Variants in KLHL20 observed in about 807,000 individuals in gnomAD.
The protein encoded by KLHL20 is kelch like family member 20, also known as kelch-like protein 20.
Under a neutral mutation model 69.5 loss-of-function variants are expected in KLHL20, and 29 were observed. That is an observed-to-expected ratio of 0.42 (90% confidence interval 0.31 to 0.57). The LOEUF (loss-of-function observed/expected upper bound fraction) is 0.57, where lower values mean the gene tolerates loss of function less well. Ranked by LOEUF, KLHL20 falls within the 20% of genes least tolerant of loss-of-function variation. The pLI is 0.18. For missense variants in KLHL20, 419 were observed against 776.0 expected, an observed-to-expected ratio of 0.54 and a Z score of 5.47; for synonymous variants, 253 against 265.2, an observed-to-expected ratio of 0.95 and a Z score of 0.45.
At chr1:173,743,520 G>A (rs1264193597) in intron 3 of KLHL20, among the ~76,000 whole-genome samples, 2 of 148,434 alleles carry the variant, frequency 1.3e-5, no homozygotes, top group Admixed American at 6.7e-5. Context: ...TACTATGATG[G>A]TTGCAAAGTG....
At chr1:173,735,293 A>C (rs1672474468) in intron 3 of KLHL20, among the ~76,000 whole-genome samples, 3 of 152,080 alleles carry the variant, frequency 2.0e-5, no homozygotes, top group African/African-American at 7.2e-5. Context: ...AAAAAATACA[A>C]AAATTAGTCG....
chr1:173,755,509 CCCAG>C (rs1452874712), intron 5 of KLHL20, among the ~76,000 whole-genome samples: 1 of 152,112 alleles, frequency 6.6e-6, no homozygotes, highest in Non-Finnish European at 1.5e-5. Context: ...CGATTTTTGA[CCCAG>C]TTTTATTACT....
chr1:173,716,355 T>G (rs1320883956), intron 2 of KLHL20, among the ~76,000 whole-genome samples: 1 of 152,180 alleles, frequency 6.6e-6, no homozygotes, highest in Non-Finnish European at 1.5e-5. Flanking sequence ...TGATACTATA[T>G]GGATTTATTA....
At chr1:173,768,933 T>C (rs1429023107) in intron 8 of KLHL20, among the ~76,000 whole-genome samples, 1 of 152,142 alleles carries the variant, frequency 6.6e-6, no homozygotes, top group Non-Finnish European at 1.5e-5. Flanking sequence ...GTCTGACAGA[T>C]CTAAGAACAA....
At chr1:173,727,245 G>T (rs1672019691) in intron 2 of KLHL20, among the ~76,000 whole-genome samples, 2 of 151,962 alleles carry the variant, frequency 1.3e-5, no homozygotes, top group Non-Finnish European at 2.9e-5. Flanking sequence ...AAATATCGGA[G>T]TATGTGAAAA....
intron 2 of KLHL20, among the ~76,000 whole-genome samples, chr1:173,724,579 A>G (rs971050911): frequency 1.3e-5 from 2 of 152,230 alleles, no homozygotes; most frequent in African/African-American, 2.4e-5. Context: ...ATTATTTGTC[A>G]GTAATTTGTG....
In KLHL20 at chr1:173,766,305, A is replaced by C; in HGVS notation, c.1295+16A>C. 1 of 1,566,984 alleles carries C rather than the reference A, an allele frequency of 6.4e-7. No individual in the cohort carries two copies. The highest frequency in any genetic ancestry group is 8.6e-7 in the Non-Finnish European group (1 of 1,163,036). ...TTGTTGAGAGGTGATCTTTTTTTTA[A>C]GTCATTTTCCGTATTTTTATTTTAA... On this transcript the variant is annotated intron_variant, in intron 8 of 11. Coordinates refer to ENST00000209884, the MANE Select transcript of KLHL20 (RefSeq NM_014458.4).
chr1:173,773,877 G>C (rs1353691952), intron 8 of KLHL20, among the ~76,000 whole-genome samples: 1 of 152,074 alleles, frequency 6.6e-6, no homozygotes, highest in Non-Finnish European at 1.5e-5. Context: ...GCCAGGCGTG[G>C]TGGCAGGCAC....
intron 4 of KLHL20, 42 bp downstream of exon 4, chr1:173,751,964 A>G (rs1025940359): frequency 1.3e-6 from 2 of 1,578,786 alleles, no homozygotes; most frequent in African/African-American, 2.7e-5. Context: ...CTGACCGGGC[A>G]TGGTGGCTCA....
At chr1:173,745,123 G>A (rs1672992254) in intron 3 of KLHL20, among the ~76,000 whole-genome samples, 3 of 150,764 alleles carry the variant, frequency 2.0e-5, no homozygotes, top group East Asian at 2.0e-4. Flanking sequence ...TATCTCTTGG[G>A]AACGTTTTAT....
intron 3 of KLHL20, among the ~76,000 whole-genome samples, chr1:173,739,028 C>G (rs371468377): frequency 6.6e-6 from 1 of 151,500 alleles, no homozygotes; most frequent in East Asian, 1.9e-4. Flanking sequence ...AGGGAGGATT[C>G]CCTCTTTCTC....
At chr1:173,770,006 CCACT>C (rs1452989198) in intron 8 of KLHL20, among the ~76,000 whole-genome samples, 1 of 151,876 alleles carries the variant, frequency 6.6e-6, no homozygotes, top group East Asian at 1.9e-4. Flanking sequence ...CTGTCACAAA[CCACT>C]CACTCCTATT....
chr1:173,774,270 A>C (rs752386540), intron 8 of KLHL20, 35 bp from the exon 9 acceptor site: 43 of 1,613,162 alleles, frequency 2.7e-5, no homozygotes, highest in Non-Finnish European at 3.3e-5. Context: ...TCACTTAATA[A>C]GAACAAGCAT....
chr1:173,773,582 A>T (rs1648249054), intron 8 of KLHL20, among the ~76,000 whole-genome samples: 2 of 152,088 alleles, frequency 1.3e-5, no homozygotes, highest in Admixed American at 1.3e-4. Context: ...TTCTAATAGG[A>T]TGTAGTAGAG....
Position 173,785,680 on chromosome 1 carries a change from G to C in KLHL20, c.*433G>C, listed in dbSNP as rs1649161496. On this transcript the variant is annotated 3_prime_UTR_variant, in exon 12 of 12. Transcript: ENST00000209884. The stretch of plus-strand genomic sequence containing the variant: ...ACTAACAAGGATTACCAGGAATAAA[G>C]GTAGGTATGCAAAATGTATTAGCTA... 6.6e-6 allele frequency: 1 copy of C among 151,648 alleles called. No homozygotes were observed. The highest frequency in any genetic ancestry group is 6.6e-5 in the Admixed American group (1 of 15,198). 9.4% of individuals were successfully genotyped at this position (151,648 alleles called of 1,614,324 possible). A position where few individuals can be genotyped will look rare whatever the true frequency, so the allele number is the denominator to read the frequency against.
chr1:173,731,247 A>G (rs1328337911), intron 2 of KLHL20, among the ~76,000 whole-genome samples: 5 of 152,268 alleles, frequency 3.3e-5, no homozygotes, highest in African/African-American at 7.2e-5. Context: ...GGAGAAATAG[A>G]AACACTTTTA....
At chr1:173,749,185 T>G (rs1308984127) in intron 3 of KLHL20, among the ~76,000 whole-genome samples, 1 of 152,218 alleles carries the variant, frequency 6.6e-6, no homozygotes, top group Non-Finnish European at 1.5e-5. Context: ...TCCTACTTCA[T>G]TAGACCTAGC....
chr1:173,723,044 A>T (rs755999544), intron 2 of KLHL20, among the ~76,000 whole-genome samples: 2 of 152,190 alleles, frequency 1.3e-5, no homozygotes, highest in South Asian at 2.1e-4. Context: ...CCCACATTGT[A>T]CTTAGGTGAA....
At chr1:173,723,448 T>G (rs146753495) in intron 2 of KLHL20, among the ~76,000 whole-genome samples, 9 of 152,348 alleles carry the variant, frequency 5.9e-5, no homozygotes, top group African/African-American at 2.2e-4. Context: ...AAGAACCATG[T>G]TTTTTATTTT....
Sources: allele counts gnomAD v4.1 joint callset (sites outside exome capture counted in the v4.1 genomes callset), GRCh38; gene constraint gnomAD v4.1.1; transcripts MANE v1.5; gene names NCBI Gene and HGNC (gene_info 2026-07-23, HGNC 2026-07-21).